The following DYM variants were observed in gnomAD, a reference collection of about 807,000 sequenced individuals.
DYM encodes dymeclin, also known as dyggve-Melchior-Clausen syndrome protein.
Under a neutral mutation model 93.1 loss-of-function variants are expected in DYM, and 78 were observed. The observed-to-expected ratio is 0.84, with a 90% CI of 0.70 to 1.01. The LOEUF (loss-of-function observed/expected upper bound fraction) is 1.01, where lower values mean the gene tolerates loss of function less well. DYM is among the 50% of genes least tolerant of loss of function. The probability of loss-of-function intolerance (pLI) is 0.00; values close to 1 mark genes in which losing one functional copy is unlikely to be tolerated. For synonymous variants in DYM, 321 were observed against 319.7 expected (o/e 1.00, Z -0.04); for missense variants, 789 against 845.0 (o/e 0.93, Z 0.82).
intron 2 of DYM, among the ~76,000 whole-genome samples, chr18:49,425,568 T>A (rs1015359797): frequency 1.2e-4 from 19 of 152,052 alleles, no homozygotes; most frequent in African/African-American, 4.6e-4. Context: ...CTAAAGAGCT[T>A]CTGCACAGCA....
intron 15 of DYM, among the ~76,000 whole-genome samples, chr18:49,147,569 G>A (rs1342355988): frequency 1.3e-5 from 2 of 152,162 alleles, no homozygotes; most frequent in Admixed American, 1.3e-4. Context: ...AGACATTTAT[G>A]CAGCCAAAAG....
chr18:49,131,233 C>G (rs2083353183), intron 15 of DYM, among the ~76,000 whole-genome samples: 1 of 152,166 alleles, frequency 6.6e-6, no homozygotes, highest in Non-Finnish European at 1.5e-5. Context: ...GAGGACATTT[C>G]AATCTTCCTG....
chr18:49,458,920 G>T lies in DYM; in HGVS notation c.-54+1478C>A, dbSNP rs1020069244. On this transcript the variant is annotated intron_variant, in intron 1 of 17. Transcript: ENST00000675505. Reference sequence around the variant, plus strand: ...TTTACAGATGAAATTGAATGTCTATGATTTGCTTTAAAATAATTGTGAGTG... The same window carrying T: ...TTTACAGATGAAATTGAATGTCTATTATTTGCTTTAAAATAATTGTGAGTG... Among the ~76,000 whole-genome samples the T allele has an allele frequency of 5.3e-5, 8 of 152,218 alleles. 1 individual carries two copies. In the South Asian group the frequency reaches 1.4e-3, roughly 28 times the overall value.
At chr18:49,147,835 A>G (rs2085334961) in intron 15 of DYM, among the ~76,000 whole-genome samples, 2 of 152,260 alleles carry the variant, frequency 1.3e-5, no homozygotes, top group Non-Finnish European at 2.9e-5. Flanking sequence ...CGGCCATCCC[A>G]TTACTGGGTA....
intron 6 of DYM, among the ~76,000 whole-genome samples, chr18:49,360,216 T>A (rs1028934966): frequency 2.0e-5 from 3 of 151,280 alleles, no homozygotes; most frequent in African/African-American, 7.3e-5. Flanking sequence ...TATTTACTGT[T>A]TCCATCACCC....
chr18:49,388,708 A>C (rs1446183149), intron 3 of DYM, among the ~76,000 whole-genome samples: 1 of 151,990 alleles, frequency 6.6e-6, no homozygotes, highest in Admixed American at 6.5e-5. Context: ...GAAAAACTTA[A>C]AAGCAGCCGA....
intron 13 of DYM, among the ~76,000 whole-genome samples, chr18:49,244,386 C>T (rs759459674): frequency 2.0e-5 from 3 of 152,136 alleles, no homozygotes; most frequent in Non-Finnish European, 4.4e-5. Flanking sequence ...AAAAACATGT[C>T]AACAGGGGGA....
chr18:49,327,886 G>A (rs187779469), intron 8 of DYM, among the ~76,000 whole-genome samples: 3 of 152,150 alleles, frequency 2.0e-5, no homozygotes, highest in Non-Finnish European at 4.4e-5. Flanking sequence ...GTTGGATGGC[G>A]CTCTGCTGGA....
chr18:49,334,173 A>G (rs1408714138), intron 6 of DYM, among the ~76,000 whole-genome samples: 1 of 152,220 alleles, frequency 6.6e-6, no homozygotes, highest in Non-Finnish European at 1.5e-5. Context: ...CACTCTAGAC[A>G]TCTATGTTCA....
intron 15 of DYM, among the ~76,000 whole-genome samples, chr18:49,135,441 G>T (rs986877992): frequency 6.6e-6 from 1 of 152,166 alleles, no homozygotes; most frequent in Non-Finnish European, 1.5e-5. Flanking sequence ...GTGGGCGAGG[G>T]TCTGAACCTT....
intron 1 of DYM, among the ~76,000 whole-genome samples, chr18:49,441,306 T>C (rs1296997854): frequency 2.0e-5 from 1 of 50,180 alleles, no homozygotes; most frequent in Non-Finnish European, 3.3e-5. Context: ...TAATTATATA[T>C]AATTAATATA....
intron 13 of DYM, among the ~76,000 whole-genome samples, chr18:49,227,225 A>T (rs1362668639): frequency 6.6e-6 from 1 of 152,342 alleles, no homozygotes; most frequent in East Asian, 1.9e-4. Flanking sequence ...CCATTATAAA[A>T]TTCTTCCTAA....
In DYM at chr18:49,258,839, C is replaced by CACAGAGAGAG. The variant is rs1452041255; in HGVS notation, c.1252-347_1252-346insCTCTCTCTGT. 1.1e-4 allele frequency among the ~76,000 whole-genome samples: 13 copies of CACAGAGAGAG among 113,750 alleles called. No individual in the cohort carries two copies. The East Asian group carries it at 2.4e-3, about 21-fold the overall frequency. 74.6% of individuals were successfully genotyped at this position (113,750 alleles called of 152,430 possible). ...ACACACACAGAGACACACACACACA[C>CACAGAGAGAG]AGAGAGAGAGAGAGAGAGAGAGAGA... On this transcript the variant is annotated intron_variant, in intron 11 of 17. Transcript: ENST00000675505.
In DYM at chr18:49,217,549, G is replaced by A. The variant is rs570214983; in HGVS notation, c.1461-7834C>T. On this transcript the variant is annotated intron_variant, in intron 13 of 17. Coordinates refer to ENST00000675505, the MANE Select transcript of DYM (RefSeq NM_001353214.3). ...AAGGGAAGCCCATCAGACTAACAGCGGATCTCTCGGCAGAAACTCCACAAG... is the reference window on the plus strand; with the variant it reads ...AAGGGAAGCCCATCAGACTAACAGCAGATCTCTCGGCAGAAACTCCACAAG... 2.0e-3 allele frequency among the ~76,000 whole-genome samples: 310 copies of A among 152,280 alleles called. 2 individuals carry two copies. The highest frequency in any genetic ancestry group is 6.8e-3 in the Middle Eastern group (2 of 294).
At chr18:49,212,798 A>G (rs759840791) in intron 13 of DYM, among the ~76,000 whole-genome samples, 37 of 152,138 alleles carry the variant, frequency 2.4e-4, no homozygotes, top group Non-Finnish European at 4.6e-4. Flanking sequence ...TGTCCGGCCT[A>G]ATTTATTTTT....
intron 15 of DYM, among the ~76,000 whole-genome samples, chr18:49,155,471 C>A (rs1050332287): frequency 6.6e-6 from 1 of 152,190 alleles, no homozygotes; most frequent in Non-Finnish European, 1.5e-5. Flanking sequence ...GTGCAAATAT[C>A]ACCACAGCCT....
At chr18:49,329,750 C>T (rs2063179371) in intron 8 of DYM, 1 of 152,238 alleles carries the variant, frequency 6.6e-6, no homozygotes, top group Admixed American at 6.5e-5. Context: ...ACAATGCACA[C>T]ACTGCTATGA....
intron 17 of DYM, among the ~76,000 whole-genome samples, chr18:49,062,858 C>T (rs2076090472): frequency 6.6e-6 from 1 of 152,190 alleles, no homozygotes; most frequent in Non-Finnish European, 1.5e-5. Flanking sequence ...TTCCTTTCCA[C>T]CTTTGAAAAT....
At chr18:49,404,067 G>A (rs1468793274) in intron 2 of DYM, among the ~76,000 whole-genome samples, 1 of 152,028 alleles carries the variant, frequency 6.6e-6, no homozygotes, top group Non-Finnish European at 1.5e-5. Context: ...GAGTGCAATG[G>A]CACAATCTCG....
Sources: gnomAD v4.1 joint callset for allele counts (sites outside exome capture counted in the v4.1 genomes callset) on GRCh38, gnomAD v4.1.1 for gene constraint, MANE v1.5 for transcripts, NCBI Gene and HGNC (gene_info 2026-07-23, HGNC 2026-07-21) for gene names.